HERC3: variants seen among roughly 807,000 people sequenced by gnomAD.
HERC3 encodes probable E3 ubiquitin-protein ligase HERC3.
HERC3 carries 58 observed loss-of-function variants against 129.9 expected under a neutral mutation model. The ratio of observed to expected loss-of-function variants is 0.45; its 90% CI spans 0.36 to 0.56. The LOEUF is 0.56. HERC3 is among the 20% of genes least tolerant of loss of function. The pLI is 0.00. For synonymous variants in HERC3, 430 were observed against 451.0 expected (o/e 0.95, Z 0.59); for missense variants, 835 against 1,244.2 (o/e 0.67, Z 4.95).
chr4:88,648,867 T>G (rs556630613), intron 3 of HERC3, among the ~76,000 whole-genome samples: 1 of 152,126 alleles, frequency 6.6e-6, no homozygotes, highest in East Asian at 1.9e-4. Context: ...CTAGAAAATC[T>G]CTTCATTTCT....
At chr4:88,606,984 A>G (rs892852185) in intron 3 of HERC3, among the ~76,000 whole-genome samples, 14 of 152,164 alleles carry the variant, frequency 9.2e-5, no homozygotes, top group Non-Finnish European at 1.9e-4. Context: ...ATGCTCTTAC[A>G]TGTTTTGTGC....
the HERC3 span, among the ~76,000 whole-genome samples, chr4:88,552,011 A>T: frequency 1.3e-5 from 2 of 152,016 alleles, no homozygotes; most frequent in Admixed American, 1.3e-4. Flanking sequence ...GGAAATCATC[A>T]TTCTCAGTAA....
chr4:88,636,573 G>C (rs1039165200), intron 3 of HERC3, among the ~76,000 whole-genome samples: 5 of 151,980 alleles, frequency 3.3e-5, no homozygotes, highest in African/African-American at 1.2e-4. Flanking sequence ...TACTGTCAAT[G>C]TTAGATCAAC....
chr4:88,569,555 A>G, the HERC3 span, among the ~76,000 whole-genome samples: 2 of 152,118 alleles, frequency 1.3e-5, no homozygotes, highest in African/African-American at 4.8e-5. Flanking sequence ...CTCCACCTCT[A>G]TTTGTTACTT....
At chr4:88,595,500 CATG>C (rs1722268080) in intron 1 of HERC3, 54 bp from the exon 2 acceptor site, 1 of 152,206 alleles carries the variant, frequency 6.6e-6, no homozygotes, top group Admixed American at 6.5e-5. Context: ...TTTACAGTAA[CATG>C]AAGACACAAC....
At position 88,686,765 on chromosome 4, in the gene HERC3, G is replaced by T; in HGVS notation, c.2537G>T (p.Gly846Val). The stretch of plus-strand genomic sequence containing the variant: ...CTCCAAGAGCTTTTAGATTACCCCG[G>T]GGAGGATGTGGAGGAGACTTTCTGC... Reference protein sequence around the residue: ...RSLQELLDYPGEDVEETFCLN... With the variant: ...RSLQELLDYPVEDVEETFCLN... The change falls in exon 22 of 26, where the codon GGG becomes GTG. Residue 846 changes from glycine to valine, a missense_variant. Gly to Val is a moderately radical substitution (Grantham distance 109). Transcript: ENST00000402738. 1 of 1,612,160 alleles carries T rather than the reference G, an allele frequency of 6.2e-7. No individual in the cohort carries two copies. Among genetic ancestry groups the T allele is most frequent in the East Asian group, 2.2e-5 (1 of 44,854 alleles).
At chr4:88,630,433 G>A (rs1240398635) in intron 3 of HERC3, among the ~76,000 whole-genome samples, 2 of 152,146 alleles carry the variant, frequency 1.3e-5, no homozygotes, top group African/African-American at 4.8e-5. Context: ...GTCAACAAGT[G>A]TTTTCTAGCA....
intron 23 of HERC3, chr4:88,693,041 A>G (rs1448008166): frequency 1.0e-6 from 1 of 975,832 alleles, no homozygotes; most frequent in Non-Finnish European, 1.2e-6. Context: ...AACTTAGGTG[A>G]AGACAATGCT....
At chr4:88,641,350 A>G (rs1367602580) in intron 3 of HERC3, among the ~76,000 whole-genome samples, 1 of 152,224 alleles carries the variant, frequency 6.6e-6, no homozygotes, top group Non-Finnish European at 1.5e-5. Flanking sequence ...AAGCTTATTT[A>G]GAAAGAAAAG....
chr4:88,676,474 T>C (rs1365604811), intron 18 of HERC3, 51 bp downstream of exon 18: 1 of 1,262,974 alleles, frequency 7.9e-7, no homozygotes, highest in Non-Finnish European at 1.1e-6. Context: ...TCTCCCATTC[T>C]AGACATTCAG....
chr4:88,653,161 C>A, intron 6 of HERC3, 71 bp downstream of exon 6: 1 of 1,410,048 alleles, frequency 7.1e-7, no homozygotes, highest in South Asian at 1.3e-5. Flanking sequence ...TCTTGAGGAT[C>A]TACTATGTGC....
chr4:88,641,102 T>C (rs1728043039), intron 3 of HERC3, among the ~76,000 whole-genome samples: 1 of 152,210 alleles, frequency 6.6e-6, no homozygotes, highest in Non-Finnish European at 1.5e-5. Context: ...TAATTAAAAG[T>C]ATGTTCTCTC....
the HERC3 span, among the ~76,000 whole-genome samples, chr4:88,577,617 A>ATATATATATATATATATATATATATATAT: frequency 6.7e-6 from 1 of 149,798 alleles, no homozygotes. Context: ...ATATATATAT[A>ATATATATATATATATATATATATATATAT]ATAGGTTTGT....
the HERC3 span, among the ~76,000 whole-genome samples, chr4:88,554,401 A>G: frequency 1.7e-4 from 26 of 152,166 alleles, no homozygotes; most frequent in African/African-American, 6.0e-4. Flanking sequence ...TTAAGTGACA[A>G]GAGGCTGTGT....
intron 3 of HERC3, among the ~76,000 whole-genome samples, chr4:88,632,101 G>T (rs1429109753): frequency 6.6e-6 from 1 of 152,180 alleles, no homozygotes; most frequent in African/African-American, 2.4e-5. Flanking sequence ...AAGAAACCTG[G>T]AAGTATTTGG....
chr4:88,590,475 C>G (rs1055456152), upstream of HERC3, among the ~76,000 whole-genome samples: 2 of 152,156 alleles, frequency 1.3e-5, no homozygotes, highest in Non-Finnish European at 2.9e-5. Flanking sequence ...AGGAGACTTG[C>G]GTGAATCCGG....
In HERC3 at chr4:88,673,599, A is replaced by C. The variant is rs1038180047; in HGVS notation, c.1912-2619A>C. On this transcript the variant is annotated intron_variant, in intron 16 of 25. Transcript: ENST00000402738. Reference sequence around the variant, plus strand: ...TCCAAGACAAGTAGCCTCTCAGGAGATAATCATGTATCTTATCAGTTCGTA... The same window carrying C: ...TCCAAGACAAGTAGCCTCTCAGGAGCTAATCATGTATCTTATCAGTTCGTA... 3.3e-5 allele frequency among the ~76,000 whole-genome samples: 5 copies of C among 152,318 alleles called. No homozygotes were observed. The East Asian group carries it at 9.6e-4, about 29-fold the overall frequency.
At chr4:88,693,004 A>G (rs941769832) in intron 23 of HERC3, 13 of 977,864 alleles carry the variant, frequency 1.3e-5, no homozygotes, top group Admixed American at 1.2e-4. Context: ...ACTAATATAC[A>G]TATGGAATGG....
rs10616395 is a variant in HERC3 at position 88,610,453 on chromosome 4, CA to C, written c.226+4422del. Among the ~76,000 whole-genome samples the C allele has an allele frequency of 1.0e-3, 124 of 122,482 alleles. 1 individual carries two copies. The highest frequency in any genetic ancestry group is 4.6e-3 in the Middle Eastern group (1 of 218). The allele number at this position is 122,482 out of a possible 152,430, so 80.4% of individuals were successfully genotyped here. A position where few individuals can be genotyped will look rare whatever the true frequency, so the allele number is the denominator to read the frequency against. ...TGGGGGACAGAGCGAGACTCCGTCT[CA>C]AAAAAAAAAAAAAAAAAGAACGCCT... On this transcript the variant is annotated intron_variant, in intron 3 of 25. Coordinates refer to ENST00000402738, the MANE Select transcript of HERC3 (RefSeq NM_014606.3).
Sources: gnomAD v4.1 joint callset for allele counts (sites outside exome capture counted in the v4.1 genomes callset) on GRCh38, gnomAD v4.1.1 for gene constraint, MANE v1.5 for transcripts, NCBI Gene and HGNC (gene_info 2026-07-23, HGNC 2026-07-21) for gene names.